DCLK1: variants seen among roughly 807,000 people sequenced by gnomAD.
The protein encoded by DCLK1 is doublecortin like kinase 1, also known as serine/threonine-protein kinase DCLK1.
DCLK1 carries 16 observed loss-of-function variants against 86.2 expected under a neutral mutation model. That is an observed-to-expected ratio of 0.19 (90% CI 0.13 to 0.28). The LOEUF (loss-of-function observed/expected upper bound fraction) is 0.28. DCLK1 is among the 10% of genes least tolerant of loss of function. The pLI, the probability that DCLK1 is intolerant of heterozygous loss-of-function variation, is 1.00. For synonymous variants in DCLK1, 369 were observed against 370.5 expected (o/e 1.00, Z 0.05); for missense variants, 590 against 940.2 (o/e 0.63, Z 4.87).
intron 3 of DCLK1, among the ~76,000 whole-genome samples, chr13:35,983,505 C>G (rs1879759866): frequency 6.6e-6 from 1 of 152,182 alleles, no homozygotes; most frequent in Non-Finnish European, 1.5e-5. Context: ...ATCCTTCCAT[C>G]AGAAAGTTTT....
chr13:36,073,329 G>A (rs533223108), intron 3 of DCLK1, among the ~76,000 whole-genome samples: 1 of 151,974 alleles, frequency 6.6e-6, no homozygotes, highest in South Asian at 2.1e-4. Context: ...TATTTTTAAG[G>A]GCCTCTTATG....
chr13:36,122,756 A>G (rs1886040027), intron 2 of DCLK1, among the ~76,000 whole-genome samples: 1 of 152,156 alleles, frequency 6.6e-6, no homozygotes, highest in Non-Finnish European at 1.5e-5. Flanking sequence ...CAAGAGTGTC[A>G]CCTTTGGAAT....
chr13:35,993,966 C>A (rs1880363329), intron 3 of DCLK1, among the ~76,000 whole-genome samples: 1 of 151,958 alleles, frequency 6.6e-6, no homozygotes, highest in Non-Finnish European at 1.5e-5. Flanking sequence ...GGAAAGTGAC[C>A]AGTTAACATC....
At chr13:35,780,779 C>T (rs565365193) in intron 16 of DCLK1, among the ~76,000 whole-genome samples, 96 of 152,324 alleles carry the variant, frequency 6.3e-4, no homozygotes, top group Admixed American at 1.0e-3. Context: ...AGCAGAGGAA[C>T]GGTAAAATAA....
chr13:36,076,484 G>C (rs990652173), intron 3 of DCLK1, among the ~76,000 whole-genome samples: 1 of 152,168 alleles, frequency 6.6e-6, no homozygotes, highest in Non-Finnish European at 1.5e-5. Context: ...CTCTGATTGA[G>C]CTTGAGTTCT....
chr13:36,095,120 T>C (rs1884958547), intron 3 of DCLK1, among the ~76,000 whole-genome samples: 1 of 152,028 alleles, frequency 6.6e-6, no homozygotes, highest in South Asian at 2.1e-4. Flanking sequence ...CAGTCATGAA[T>C]GAACACAGGT....
chr13:36,029,027 G>C (rs1370411245), intron 3 of DCLK1, among the ~76,000 whole-genome samples: 3 of 152,132 alleles, frequency 2.0e-5, no homozygotes, highest in African/African-American at 7.2e-5. Context: ...TAGCTGACCA[G>C]CAGCCCTTGG....
At chr13:36,099,698 T>A (rs1885132313) in intron 3 of DCLK1, among the ~76,000 whole-genome samples, 1 of 152,178 alleles carries the variant, frequency 6.6e-6, no homozygotes, top group South Asian at 2.1e-4. Context: ...AGCACAATCA[T>A]CTTAATAAAA....
At chr13:35,811,526 CTT>C (rs943279003) in intron 11 of DCLK1, among the ~76,000 whole-genome samples, 10 of 152,182 alleles carry the variant, frequency 6.6e-5, no homozygotes, top group Admixed American at 3.9e-4. Context: ...AAAATAATCT[CTT>C]TGTTTCAATA....
At position 35,952,050 on chromosome 13, in the gene DCLK1, A is replaced by C. The variant is rs78266815; in HGVS notation, c.724-4593T>G. Among the ~76,000 whole-genome samples the C allele has an allele frequency of 6.5e-3, 988 of 152,308 alleles. 10 individuals are homozygous for C. Among genetic ancestry groups the C allele is most frequent in the African/African-American group, 0.023 (941 of 41,574 alleles). ...ATCTCTTTGTGTCTCGGTTTATCATATCAGTTGTTTCAAGATGAGTTAAGA... is the reference window on the plus strand; with the variant it reads ...ATCTCTTTGTGTCTCGGTTTATCATCTCAGTTGTTTCAAGATGAGTTAAGA... On this transcript the variant is annotated intron_variant, in intron 3 of 16. Transcript: ENST00000360631.
intron 3 of DCLK1, among the ~76,000 whole-genome samples, chr13:36,088,089 C>A: frequency 6.6e-6 from 1 of 152,164 alleles, no homozygotes; most frequent in East Asian, 1.9e-4. Flanking sequence ...CTGTGGAAAC[C>A]GATCTCTCCT....
chr13:36,019,848 A>G (rs1270379465), intron 3 of DCLK1, among the ~76,000 whole-genome samples: 1 of 152,138 alleles, frequency 6.6e-6, no homozygotes, highest in South Asian at 2.1e-4. Context: ...GTATTACTCA[A>G]TGCTATGGTT....
Position 35,783,739 on chromosome 13 carries a change from C to G in DCLK1, c.2059-9040G>C, listed in dbSNP as rs544408642. Among the ~76,000 whole-genome samples, 294 of 152,172 alleles carry G rather than the reference C, an allele frequency of 1.9e-3. 1 individual carries two copies. The highest frequency in any genetic ancestry group is 6.9e-3 in the African/African-American group (285 of 41,498). On this transcript the variant is annotated intron_variant, in intron 16 of 16. Coordinates refer to ENST00000360631, the MANE Select transcript of DCLK1 (RefSeq NM_001330071.2). The stretch of plus-strand genomic sequence containing the variant: ...TGCTGGGATTACAGGTGCCCACCAC[C>G]ATGCCCAGCTAATTTTTTGTATTTT...
intron 2 of DCLK1, among the ~76,000 whole-genome samples, chr13:36,112,477 G>A (rs1219066227): frequency 6.6e-6 from 1 of 152,104 alleles, no homozygotes; most frequent in Non-Finnish European, 1.5e-5. Flanking sequence ...TGATAGAAAT[G>A]CTGATCTACT....
rs779196359 is a variant in DCLK1 at position 35,874,177 on chromosome 13, G to T, written c.824-2837C>A. 5.9e-5 allele frequency among the ~76,000 whole-genome samples: 9 copies of T among 151,972 alleles called. No individual in the cohort carries two copies. The East Asian group carries it at 1.4e-3, about 23-fold the overall frequency. On this transcript the variant is annotated intron_variant, in intron 4 of 16. Coordinates refer to ENST00000360631, the MANE Select transcript of DCLK1 (RefSeq NM_001330071.2). ...TTCAAAATTTTTCTTCCCTATCCAC[G>T]CAATTTCTAATTTTCTAAATTCAAA...
chr13:35,894,815 A>C (rs1873856149), intron 4 of DCLK1, among the ~76,000 whole-genome samples: 1 of 152,220 alleles, frequency 6.6e-6, no homozygotes, highest in Non-Finnish European at 1.5e-5. Flanking sequence ...GCAGCATTTC[A>C]TCTCCAAACT....
At chr13:36,048,151 A>G (rs913541379) in intron 3 of DCLK1, among the ~76,000 whole-genome samples, 1 of 152,172 alleles carries the variant, frequency 6.6e-6, no homozygotes, top group Admixed American at 6.5e-5. Flanking sequence ...TGATTTGTCA[A>G]TTAAAAATTA....
chr13:35,838,826 G>A (rs2153107904), intron 7 of DCLK1, among the ~76,000 whole-genome samples: 1 of 152,266 alleles, frequency 6.6e-6, no homozygotes, highest in East Asian at 1.9e-4. Flanking sequence ...TATTTCCAAA[G>A]CAGGCAATAG....
intron 3 of DCLK1, among the ~76,000 whole-genome samples, chr13:36,080,903 A>G (rs530407763): frequency 2.0e-5 from 3 of 152,144 alleles, no homozygotes; most frequent in African/African-American, 7.2e-5. Context: ...AATTGTCACA[A>G]CTGGGGGAAG....
Sources: allele counts gnomAD v4.1 joint callset (sites outside exome capture counted in the v4.1 genomes callset), GRCh38; gene constraint gnomAD v4.1.1; transcripts MANE v1.5; gene names NCBI Gene and HGNC (gene_info 2026-07-23, HGNC 2026-07-21).